Variants in DMD observed in about 807,000 individuals in gnomAD.
The protein encoded by DMD is dystrophin.
Under a neutral mutation model 330.1 loss-of-function variants are expected in DMD, and 63 were observed. The observed-to-expected ratio is 0.19, with a 90% CI of 0.16 to 0.24. DMD has a LOEUF of 0.24. Ranked by LOEUF, DMD falls within the 10% of genes least tolerant of loss-of-function variation. The pLI is 1.00. For missense variants in DMD, 3,344 were observed against 2,684.1 expected, an observed-to-expected ratio of 1.25 and a Z score of -5.43; for synonymous variants, 1,223 against 959.8, an observed-to-expected ratio of 1.27 and a Z score of -5.07.
intron 73 of DMD, among the ~76,000 whole-genome samples, chrX:31,170,993 G>A (rs956248029): frequency 8.9e-6 from 1 of 111,918 alleles, no homozygotes; most frequent in Non-Finnish European, 1.9e-5. Context: ...CCACTGTTAC[G>A]TAGATACAAC....
At position 32,380,500 on chromosome X, in the gene DMD, T is replaced by C. The variant is rs199958675; in HGVS notation, c.4845+10A>G. 3.1e-5 allele frequency: 37 copies of C among 1,205,473 alleles called. No homozygotes were observed. In the East Asian group the frequency reaches 7.4e-4, roughly 24 times the overall value. On this transcript the variant is annotated intron_variant, in intron 34 of 78. Transcript: ENST00000357033. ...ATGTTCAAAATAACCTTCAGTGATATAGGTTTTACCTTTCCCCAGGCAACT... is the reference window on the plus strand; with the variant it reads ...ATGTTCAAAATAACCTTCAGTGATACAGGTTTTACCTTTCCCCAGGCAACT...
chrX:32,033,373 T>C (rs779166298), intron 44 of DMD, among the ~76,000 whole-genome samples: 3 of 110,393 alleles, frequency 2.7e-5, no homozygotes, highest in East Asian at 2.8e-4. Context: ...ATGATAGATC[T>C]CATGTTAAAT....
intron 15 of DMD, among the ~76,000 whole-genome samples, chrX:32,567,449 G>T (rs1175965251): frequency 1.8e-5 from 2 of 111,947 alleles, no homozygotes; most frequent in Admixed American, 1.9e-4. Context: ...CCAGGCTGGA[G>T]TGCAGTGGCA....
intron 1 of DMD, among the ~76,000 whole-genome samples, chrX:33,158,888 G>C (rs2048631485): frequency 8.9e-6 from 1 of 112,083 alleles, no homozygotes; most frequent in Admixed American, 9.5e-5. Flanking sequence ...TTAAATGTCA[G>C]ATGAGTTATG....
intron 60 of DMD, among the ~76,000 whole-genome samples, chrX:31,407,478 C>T (rs12388811): frequency 1.5e-3 from 93 of 63,421 alleles, no homozygotes; most frequent in Non-Finnish European, 1.5e-3. Context: ...TTTTTTTTTT[C>T]TTTTTTTTTT....
chrX:31,834,959 CTTTTT>C (rs774301080), intron 49 of DMD, among the ~76,000 whole-genome samples: 7 of 111,722 alleles, frequency 6.3e-5, no homozygotes, highest in Admixed American at 1.9e-4. Context: ...CTGGTTCTTT[CTTTTT>C]ATTTCAGAAA....
chrX:33,339,213 G>C (rs1480528820), intron 1 of DMD: 1 of 1,024,031 alleles, frequency 9.8e-7, no homozygotes, highest in Non-Finnish European at 1.3e-6. Context: ...GTCATGGCCA[G>C]CTTCTAATTG....
At chrX:32,153,381 G>C (rs1317258651) in intron 44 of DMD, among the ~76,000 whole-genome samples, 1 of 110,918 alleles carries the variant, frequency 9.0e-6, no homozygotes. Context: ...ATAATATACA[G>C]GGGTACACAG....
intron 20 of DMD, among the ~76,000 whole-genome samples, chrX:32,489,405 G>C (rs754079979): frequency 6.3e-5 from 7 of 110,670 alleles, no homozygotes; most frequent in African/African-American, 2.3e-4. Flanking sequence ...CAGAGATAAA[G>C]AGAGAGAGAA....
At chrX:31,716,426 C>A (rs1196941318) in intron 52 of DMD, among the ~76,000 whole-genome samples, 1 of 111,114 alleles carries the variant, frequency 9.0e-6, no homozygotes, top group African/African-American at 3.3e-5. Context: ...TGGCACGTGT[C>A]TGTAATCCCA....
At chrX:32,612,458 C>A (rs1020470676) in intron 12 of DMD, among the ~76,000 whole-genome samples, 2 of 111,655 alleles carry the variant, frequency 1.8e-5, no homozygotes, top group Non-Finnish European at 3.8e-5. Flanking sequence ...TCAATTATTT[C>A]TTTTAGTTCA....
chrX:32,943,574 A>G (rs2090577932), intron 2 of DMD, among the ~76,000 whole-genome samples: 1 of 111,219 alleles, frequency 9.0e-6, no homozygotes, highest in Non-Finnish European at 1.9e-5. Flanking sequence ...CTACTGATGA[A>G]TACTGGTGTT....
rs767949645 is a variant in DMD at position 31,257,917 on chromosome X, A to G, written c.9286+3038T>C. Among the ~76,000 whole-genome samples the G allele has an allele frequency of 2.2e-4, 25 of 111,810 alleles. 1 individual carries two copies. Among genetic ancestry groups the G allele is most frequent in the Non-Finnish European group, 4.1e-4 (22 of 53,160 alleles). On this transcript the variant is annotated intron_variant, in intron 63 of 78. Transcript: ENST00000357033. ...AGCCAAGATCGTGCCACTGCATTCC[A>G]GCCTGGGTGACAGAGTGAGAATCTG...
chrX:32,904,340 G>C (rs2086554995), intron 2 of DMD, among the ~76,000 whole-genome samples: 1 of 111,345 alleles, frequency 9.0e-6, no homozygotes, highest in African/African-American at 3.3e-5. Flanking sequence ...ATGTCTCCTA[G>C]GGTATTTATT....
chrX:31,587,892 C>T (rs1190623439), intron 55 of DMD, among the ~76,000 whole-genome samples: 4 of 111,756 alleles, frequency 3.6e-5, no homozygotes, highest in Non-Finnish European at 7.5e-5. Context: ...AACTTGTCCG[C>T]CTTTTGGATA....
intron 18 of DMD, among the ~76,000 whole-genome samples, chrX:32,514,508 G>A (rs1037654690): frequency 4.5e-5 from 5 of 111,849 alleles, no homozygotes; most frequent in Admixed American, 9.4e-5. Context: ...TTGGGAGGCC[G>A]AGGCGGGCGG....
At chrX:32,488,615 G>C (rs1276625249) in intron 20 of DMD, among the ~76,000 whole-genome samples, 1 of 111,366 alleles carries the variant, frequency 9.0e-6, no homozygotes, top group African/African-American at 3.3e-5. Flanking sequence ...GACACCAATG[G>C]GTCTGAGAGA....
At chrX:32,327,178 C>A (rs1391341088) in intron 41 of DMD, among the ~76,000 whole-genome samples, 1 of 69,564 alleles carries the variant, frequency 1.4e-5, no homozygotes, top group Non-Finnish European at 2.6e-5. Context: ...ATTTTGACTT[C>A]AAAGCTACTA....
At chrX:32,336,069 G>GTA (rs2097713048) in intron 41 of DMD, among the ~76,000 whole-genome samples, 7 of 104,952 alleles carry the variant, frequency 6.7e-5, no homozygotes, top group African/African-American at 1.1e-4. Flanking sequence ...TATATAACGT[G>GTA]TGTATAACAT....
Sources: gnomAD v4.1 joint callset for allele counts (sites outside exome capture counted in the v4.1 genomes callset) on GRCh38, gnomAD v4.1.1 for gene constraint, MANE v1.5 for transcripts, NCBI Gene and HGNC (gene_info 2026-07-23, HGNC 2026-07-21) for gene names.